SPATA13: variants seen among roughly 807,000 people sequenced by gnomAD.
The protein encoded by SPATA13 is spermatogenesis-associated protein 13.
In SPATA13, 50 loss-of-function variants were observed where a neutral mutation model predicts 104.0. That is an observed-to-expected ratio of 0.48 (90% CI 0.38 to 0.61). The LOEUF is 0.61. Ranked by LOEUF, SPATA13 falls within the 20% of genes least tolerant of loss-of-function variation. The probability of loss-of-function intolerance (pLI) is 0.00; values close to 1 mark genes in which losing one functional copy is unlikely to be tolerated. For missense variants in SPATA13, 1,524 were observed against 1,690.6 expected (o/e 0.90, Z 1.73); for synonymous variants, 606 against 667.5 (o/e 0.91, Z 1.42).
intron 3 of SPATA13, among the ~76,000 whole-genome samples, chr13:24,118,963 T>C (rs1355303472): frequency 1.3e-5 from 2 of 151,796 alleles, no homozygotes; most frequent in Non-Finnish European, 2.9e-5. Context: ...TGGAGTGCAG[T>C]GGTGTGATCT....
chr13:24,135,629 C>T (rs1324268031), intron 3 of SPATA13, among the ~76,000 whole-genome samples: 3 of 137,832 alleles, frequency 2.2e-5, no homozygotes, highest in Admixed American at 8.2e-5. Flanking sequence ...ACCCGGGAGG[C>T]GGAGCTTGCA....
chr13:24,005,517 T>C (rs984376209), intron 2 of SPATA13, among the ~76,000 whole-genome samples: 4 of 151,742 alleles, frequency 2.6e-5, no homozygotes, highest in Non-Finnish European at 4.4e-5. Flanking sequence ...AAGGATGCTT[T>C]GGGGAATATG....
At position 24,223,435 on chromosome 13, in the gene SPATA13, C is replaced by T. The variant is rs1321887277; in HGVS notation, c.506C>T (p.Ala169Val). 2 of 1,550,970 alleles carry T rather than the reference C, an allele frequency of 1.3e-6. No individual in the cohort carries two copies. Among genetic ancestry groups the T allele is most frequent in the Non-Finnish European group, 1.7e-6 (2 of 1,147,002 alleles). ...SRGSPLAPGPACGALRPAEWG... is the reference protein window; with the variant it reads ...SRGSPLAPGPVCGALRPAEWG... ...GGCTCCCCCTTAGCACCGGGACCAG[C>T]ATGTGGTGCCCTCAGGCCAGCAGAG... The change falls in exon 2 of 13, where the codon GCA becomes GTA. Residue 169 changes from alanine to valine, a missense_variant. Transcript: ENST00000382108.
At chr13:24,024,945 AAT>A (rs1001999410) in intron 3 of SPATA13, among the ~76,000 whole-genome samples, 15 of 32,166 alleles carry the variant, frequency 4.7e-4, no homozygotes, top group African/African-American at 1.5e-3. Context: ...TATATATATA[AAT>A]ATATATATAA....
chr13:24,228,772 A>G (rs1872094342), intron 2 of SPATA13, among the ~76,000 whole-genome samples: 1 of 152,226 alleles, frequency 6.6e-6, no homozygotes, highest in African/African-American at 2.4e-5. Flanking sequence ...ATTTAAACTT[A>G]TTGTTGAATA....
At chr13:24,087,312 T>A (rs576762528) in intron 3 of SPATA13, among the ~76,000 whole-genome samples, 1 of 152,098 alleles carries the variant, frequency 6.6e-6, no homozygotes, top group African/African-American at 2.4e-5. Flanking sequence ...CTGCACACTC[T>A]GCAAAGCATT....
chr13:24,145,843 G>A (rs1041462315), intron 3 of SPATA13, among the ~76,000 whole-genome samples: 5 of 152,220 alleles, frequency 3.3e-5, no homozygotes, highest in Admixed American at 6.5e-5. Context: ...ACTTCACGGC[G>A]GAGACAGAGC....
chr13:24,201,040 C>G (rs1566147465), intron 1 of SPATA13, among the ~76,000 whole-genome samples: 1 of 23,794 alleles, frequency 4.2e-5, no homozygotes, highest in African/African-American at 6.9e-5. Flanking sequence ...GTCACACACA[C>G]ACACACACAC....
At chr13:24,240,589 C>T (rs1395773223) in intron 2 of SPATA13, among the ~76,000 whole-genome samples, 8 of 152,088 alleles carry the variant, frequency 5.3e-5, no homozygotes, top group Non-Finnish European at 1.5e-5. Context: ...TGAAGAAGAG[C>T]TCAGCTACAC....
In SPATA13 at chr13:24,300,933, G is replaced by A. The variant is rs74040667; in HGVS notation, c.3658+458G>A. On this transcript the variant is annotated intron_variant, in intron 12 of 12. Coordinates refer to ENST00000382108, the MANE Select transcript of SPATA13 (RefSeq NM_001166271.3). Reference sequence around the variant, plus strand: ...AAGTAAGAAAAAGATGTAAAGGTTCGGTACATCAGGCAAGGAGTTAGACAA... The same window carrying A: ...AAGTAAGAAAAAGATGTAAAGGTTCAGTACATCAGGCAAGGAGTTAGACAA... Among the ~76,000 whole-genome samples the A allele has an allele frequency of 1.5e-3, 233 of 152,198 alleles. 2 individuals are homozygous for A. Among genetic ancestry groups the A allele is most frequent in the African/African-American group, 5.4e-3 (225 of 41,532 alleles).
intron 1 of SPATA13, among the ~76,000 whole-genome samples, chr13:24,170,954 G>T (rs1424433084): frequency 1.3e-5 from 2 of 152,000 alleles, no homozygotes; most frequent in African/African-American, 2.4e-5. Flanking sequence ...AGTTACACTT[G>T]CATGGTTATT....
At chr13:24,047,965 G>A (rs908414899) in intron 3 of SPATA13, among the ~76,000 whole-genome samples, 1 of 152,204 alleles carries the variant, frequency 6.6e-6, no homozygotes, top group Non-Finnish European at 1.5e-5. Flanking sequence ...AACCAGGTGC[G>A]TCAATGTCTG....
intron 2 of SPATA13, among the ~76,000 whole-genome samples, chr13:23,989,295 G>A (rs971369712): frequency 6.6e-6 from 1 of 151,864 alleles, no homozygotes; most frequent in Non-Finnish European, 1.5e-5. Context: ...AGTAGCATGC[G>A]CCTGTAGTCC....
chr13:23,998,418 T>G (rs750385767), intron 2 of SPATA13, among the ~76,000 whole-genome samples: 29 of 152,200 alleles, frequency 1.9e-4, no homozygotes, highest in Admixed American at 1.9e-3. Context: ...TTTTATCAGG[T>G]TGTTTTCATG....
intron 8 of SPATA13, 54 bp from the exon 9 acceptor site, chr13:24,290,598 G>T (rs942843562): frequency 7.2e-7 from 1 of 1,383,104 alleles, no homozygotes; most frequent in Non-Finnish European, 1.0e-6. Flanking sequence ...GCCTGTCTTT[G>T]TCATGTCCCA....
intron 3 of SPATA13, among the ~76,000 whole-genome samples, chr13:24,045,014 C>T (rs6490857): frequency 0.46 from 70,325 of 151,936 alleles, 17,021 homozygotes; most frequent in African/African-American, 0.61. Context: ...TTTATTCTTT[C>T]GTGTTTCCCT....
chr13:24,304,923 C>G lies in SPATA13; in HGVS notation c.*2150C>G, dbSNP rs1045665066. On this transcript the variant is annotated 3_prime_UTR_variant, in exon 13 of 13. Transcript: ENST00000382108. ...TTTATAGAACTGACCTTTTTACTAA[C>G]AAAATACAATGATATATGTTGGAAA... The G allele has an allele frequency of 2.6e-5, 4 of 152,170 alleles. No homozygotes were observed. The highest frequency in any genetic ancestry group is 9.7e-5 in the African/African-American group (4 of 41,434). The allele number at this position is 152,170 out of a possible 1,614,324, so 9.4% of individuals were successfully genotyped here.
intron 4 of SPATA13, among the ~76,000 whole-genome samples, chr13:24,260,790 G>A (rs139509160): frequency 3.3e-5 from 5 of 152,316 alleles, no homozygotes; most frequent in African/African-American, 1.2e-4. Flanking sequence ...AAATCATAGC[G>A]GATGCATATG....
upstream of SPATA13, among the ~76,000 whole-genome samples, chr13:24,158,426 T>C (rs954585111): frequency 2.0e-5 from 3 of 152,200 alleles, no homozygotes; most frequent in Admixed American, 1.3e-4. Flanking sequence ...ATTTAGCTAT[T>C]GCTCGTCCTA....
Sources: gnomAD v4.1 joint callset for allele counts (sites outside exome capture counted in the v4.1 genomes callset) on GRCh38, gnomAD v4.1.1 for gene constraint, MANE v1.5 for transcripts, NCBI Gene and HGNC (gene_info 2026-07-23, HGNC 2026-07-21) for gene names.